The following TRAPPC9 variants were observed in gnomAD, a reference collection of about 807,000 sequenced individuals.
TRAPPC9 encodes trafficking protein particle complex subunit 9.
In TRAPPC9, 83 loss-of-function variants were observed where a neutral mutation model predicts 124.0. The ratio of observed to expected loss-of-function variants is 0.67; its 90% CI spans 0.56 to 0.80. The LOEUF (loss-of-function observed/expected upper bound fraction) is 0.80, where lower values mean the gene tolerates loss of function less well. Ranked by LOEUF, TRAPPC9 falls within the 30% of genes least tolerant of loss-of-function variation. The probability of loss-of-function intolerance (pLI) is 0.00; values close to 1 mark genes in which losing one functional copy is unlikely to be tolerated. For missense variants in TRAPPC9, 1,302 were observed against 1,508.3 expected (o/e 0.86, Z 2.27); for synonymous variants, 638 against 617.5 (o/e 1.03, Z -0.49).
At chr8:140,296,324 G>A (rs1035817338) in intron 11 of TRAPPC9, among the ~76,000 whole-genome samples, 1 of 152,178 alleles carries the variant, frequency 6.6e-6, no homozygotes, top group African/African-American at 2.4e-5. Flanking sequence ...GAGTGCAGTG[G>A]TACAATCTTG....
intron 19 of TRAPPC9, among the ~76,000 whole-genome samples, chr8:139,920,354 C>A (rs1277420236): frequency 6.6e-6 from 1 of 152,194 alleles, no homozygotes; most frequent in Non-Finnish European, 1.5e-5. Flanking sequence ...TCAAGCAAAA[C>A]AAAACAAACA....
intron 4 of TRAPPC9, among the ~76,000 whole-genome samples, chr8:140,429,898 G>C (rs190590346): frequency 2.3e-4 from 35 of 150,360 alleles, no homozygotes; most frequent in African/African-American, 8.3e-4. Flanking sequence ...TGTAATTCCA[G>C]CACTTTGGGA....
intron 17 of TRAPPC9, among the ~76,000 whole-genome samples, chr8:140,090,781 T>C (rs931582776): frequency 6.6e-6 from 1 of 152,214 alleles, no homozygotes; most frequent in Admixed American, 6.5e-5. Context: ...CTTGAGCTCA[T>C]AGAGCAGCCT....
upstream of TRAPPC9, chr8:140,458,264 C>A: frequency 6.4e-7 from 1 of 1,552,220 alleles, no homozygotes; most frequent in Non-Finnish European, 8.7e-7. Context: ...AGGCCCAGTT[C>A]TGTCCCCGCC....
At chr8:139,854,158 G>C (rs965815053) in intron 21 of TRAPPC9, among the ~76,000 whole-genome samples, 1 of 152,280 alleles carries the variant, frequency 6.6e-6, no homozygotes, top group African/African-American at 2.4e-5. Flanking sequence ...GACCCTGGGA[G>C]GGATTTGCGA....
chr8:140,312,141 G>A (rs951214330), intron 9 of TRAPPC9, among the ~76,000 whole-genome samples: 8 of 152,368 alleles, frequency 5.3e-5, no homozygotes, highest in African/African-American at 1.9e-4. Context: ...CTTGGCCTAA[G>A]GCCTGTGGTT....
chr8:140,062,585 C>G (rs1049842635), intron 17 of TRAPPC9, among the ~76,000 whole-genome samples: 4 of 152,102 alleles, frequency 2.6e-5, no homozygotes, highest in Admixed American at 2.6e-4. Context: ...TCCTGTAAGC[C>G]CTGCTCAGCA....
chr8:140,143,839 T>G (rs2061417002), intron 17 of TRAPPC9, among the ~76,000 whole-genome samples: 2 of 152,336 alleles, frequency 1.3e-5, no homozygotes, highest in East Asian at 1.9e-4. Flanking sequence ...CCATCAATTC[T>G]AAAATTCTTA....
chr8:140,377,204 A>G (rs546310853), intron 7 of TRAPPC9, among the ~76,000 whole-genome samples: 2 of 152,372 alleles, frequency 1.3e-5, no homozygotes, highest in South Asian at 4.1e-4. Context: ...TTAGTGAGCA[A>G]GCGAGTTCAT....
chr8:139,880,901 C>T (rs1346452769), intron 21 of TRAPPC9, among the ~76,000 whole-genome samples: 3 of 152,238 alleles, frequency 2.0e-5, no homozygotes, highest in African/African-American at 2.4e-5. Context: ...AAAAGCGCAC[C>T]GCTGAGCTGC....
Position 140,020,081 on chromosome 8 carries a change from A to T in TRAPPC9, c.2699+3856T>A, listed in dbSNP as rs570787168. 7.9e-5 allele frequency among the ~76,000 whole-genome samples: 12 copies of T among 152,208 alleles called. No homozygotes were observed. In the South Asian group the frequency reaches 2.5e-3, roughly 32 times the overall value. On this transcript the variant is annotated intron_variant, in intron 18 of 22. Coordinates refer to ENST00000438773, the MANE Select transcript of TRAPPC9 (RefSeq NM_001160372.4). ...TTTAATGTCTGTGGAATTAGTAGTA[A>T]TGCCACCTCTTTCATTCTCATTATT...
intron 3 of TRAPPC9, among the ~76,000 whole-genome samples, chr8:140,438,581 G>C (rs2070899088): frequency 6.6e-6 from 1 of 152,202 alleles, no homozygotes; most frequent in African/African-American, 2.4e-5. Context: ...ATACAGCAGG[G>C]AAGCATCCCA....
At chr8:139,968,148 C>A (rs1446039289) in intron 19 of TRAPPC9, among the ~76,000 whole-genome samples, 60 of 138,306 alleles carry the variant, frequency 4.3e-4, no homozygotes, top group South Asian at 9.2e-4. Flanking sequence ...GACTCTGTCT[C>A]AAAAAAAAAA....
At chr8:139,982,206 T>G (rs1384772428) in intron 19 of TRAPPC9, among the ~76,000 whole-genome samples, 1 of 152,132 alleles carries the variant, frequency 6.6e-6, no homozygotes, top group African/African-American at 2.4e-5. Context: ...AGGAGAGACA[T>G]CCACTGTTTC....
intron 7 of TRAPPC9, among the ~76,000 whole-genome samples, chr8:140,393,590 C>T (rs1323555654): frequency 2.0e-5 from 3 of 152,138 alleles, no homozygotes; most frequent in African/African-American, 7.2e-5. Context: ...AAACCCTTTC[C>T]AATACCACTA....
intron 21 of TRAPPC9, among the ~76,000 whole-genome samples, chr8:139,793,432 C>A (rs557116999): frequency 6.6e-6 from 1 of 152,300 alleles, no homozygotes; most frequent in African/African-American, 2.4e-5. Flanking sequence ...AGCAGCATTT[C>A]TTCAAGGAAA....
At chr8:140,345,455 C>G (rs2067318211) in intron 9 of TRAPPC9, among the ~76,000 whole-genome samples, 1 of 152,120 alleles carries the variant, frequency 6.6e-6, no homozygotes, top group Non-Finnish European at 1.5e-5. Context: ...GCCCTGAGGT[C>G]CTGGGGGCAG....
At chr8:140,237,892 G>A (rs1315095084) in intron 16 of TRAPPC9, among the ~76,000 whole-genome samples, 1 of 152,160 alleles carries the variant, frequency 6.6e-6, no homozygotes, top group African/African-American at 2.4e-5. Context: ...GATGAGAAAT[G>A]ACAAGGGCCT....
chr8:140,026,198 C>A (rs2131938388), intron 17 of TRAPPC9, among the ~76,000 whole-genome samples: 1 of 152,186 alleles, frequency 6.6e-6, no homozygotes, highest in African/African-American at 2.4e-5. Context: ...TTTTAAAGAC[C>A]AATATTCCAT....
Sources: allele counts gnomAD v4.1 joint callset (sites outside exome capture counted in the v4.1 genomes callset), GRCh38; gene constraint gnomAD v4.1.1; transcripts MANE v1.5; gene names NCBI Gene and HGNC (gene_info 2026-07-23, HGNC 2026-07-21).